Variants in LMAN1 observed in about 807,000 individuals in gnomAD.
LMAN1 encodes lectin, mannose binding 1, also known as protein ERGIC-53.
Under a neutral mutation model 67.8 loss-of-function variants are expected in LMAN1, and 32 were observed. That is an observed-to-expected ratio of 0.47 (90% CI 0.36 to 0.63). LMAN1 has a LOEUF of 0.63. Among genes scored for constraint, LMAN1 ranks in the 30% least tolerant of loss-of-function variants. The pLI is 0.00. For synonymous variants in LMAN1, 235 were observed against 219.3 expected (o/e 1.07, Z -0.63); for missense variants, 632 against 628.2 (o/e 1.01, Z -0.06).
chr18:59,353,412 G>C (rs1908590222), intron 4 of LMAN1, 111 bp from the exon 5 acceptor site: 1 of 816,844 alleles, frequency 1.2e-6, no homozygotes, highest in African/African-American at 1.7e-5. Context: ...GATACTTTAT[G>C]TTATTTACTC....
In LMAN1 at chr18:59,334,623, G is replaced by A. The variant is rs1023935931; in HGVS notation, c.1221-1379C>T. 5.3e-5 allele frequency among the ~76,000 whole-genome samples: 8 copies of A among 152,238 alleles called. No individual in the cohort carries two copies. The East Asian group carries it at 1.5e-3, about 29-fold the overall frequency. On this transcript the variant is annotated intron_variant, in intron 10 of 12. Coordinates refer to ENST00000251047, the MANE Select transcript of LMAN1 (RefSeq NM_005570.4). ...GTGAAGATAACTAAATGGAAGCAGA[G>A]GCCAAAGAATACCAGGAGTGAATGG...
chr18:59,347,813 T>C (rs1255741474), intron 6 of LMAN1, among the ~76,000 whole-genome samples: 2 of 152,198 alleles, frequency 1.3e-5, no homozygotes. Context: ...ATCAGAATAT[T>C]TAGCAGTGTT....
intron 10 of LMAN1, 113 bp from the exon 11 acceptor site, chr18:59,333,357 A>C: frequency 1.3e-6 from 1 of 779,050 alleles, no homozygotes. Context: ...CATTTAAAAA[A>C]AAAAACAGGT....
At position 59,354,598 on chromosome 18, in the gene LMAN1, A is replaced by T. The variant is rs752199199; in HGVS notation, c.478-18T>A. On this transcript the variant is annotated intron_variant, in intron 3 of 12. Coordinates refer to ENST00000251047, the MANE Select transcript of LMAN1 (RefSeq NM_005570.4). ...TTATTTTTCTAAAAAAAAGGAAAAC[A>T]TTTTAAAAAATGTCTTTAATCAAAG... is the stretch of plus-strand genomic sequence containing the variant. 1 of 1,218,814 alleles carries T rather than the reference A, an allele frequency of 8.2e-7. No individual in the cohort carries two copies. The highest frequency in any genetic ancestry group is 1.2e-5 in the South Asian group (1 of 81,442). 75.5% of individuals were successfully genotyped at this position (1,218,814 alleles called of 1,614,324 possible).
chr18:59,333,759 A>T (rs576579903), intron 10 of LMAN1: 1 of 152,300 alleles, frequency 6.6e-6, no homozygotes, highest in Admixed American at 6.5e-5. Context: ...CTACGAGTGC[A>T]TTCAACAGTT....
chr18:59,350,179 T>C (rs1908509643), intron 5 of LMAN1, among the ~76,000 whole-genome samples: 1 of 152,350 alleles, frequency 6.6e-6, no homozygotes, highest in South Asian at 2.1e-4. Context: ...AATGGAAACA[T>C]GTGAACTAAA....
In LMAN1 at chr18:59,330,458, A is replaced by G. The variant is rs2070740968; in HGVS notation, c.*635T>C. 6.6e-6 allele frequency: 1 copy of G among 152,498 alleles called. No homozygotes were observed. Among genetic ancestry groups the G allele is most frequent in the South Asian group, 2.1e-4 (1 of 4,824 alleles). 9.4% of individuals were successfully genotyped at this position (152,498 alleles called of 1,614,324 possible). A position where few individuals can be genotyped will look rare whatever the true frequency, so the allele number is the denominator to read the frequency against. On this transcript the variant is annotated 3_prime_UTR_variant, in exon 13 of 13. Coordinates refer to ENST00000251047, the MANE Select transcript of LMAN1 (RefSeq NM_005570.4). ...CACCCACAAGGTTTTTTAGGCAAAAAGCAGCTATTAATTTTCCTCTAAAAT... is the reference window on the plus strand; with the variant it reads ...CACCCACAAGGTTTTTTAGGCAAAAGGCAGCTATTAATTTTCCTCTAAAAT...
intron 5 of LMAN1, among the ~76,000 whole-genome samples, chr18:59,349,870 A>T (rs1435294867): frequency 6.6e-6 from 1 of 152,236 alleles, no homozygotes. Flanking sequence ...TCCACCTGAC[A>T]CATGAATGCT....
intron 1 of LMAN1, 67 bp downstream of exon 1, chr18:59,358,964 G>A: frequency 6.7e-7 from 1 of 1,497,344 alleles, no homozygotes. Context: ...GGTAGCCGCG[G>A]ATGAAAGGCG....
At chr18:59,350,699 G>C (rs1396500268) in intron 5 of LMAN1, among the ~76,000 whole-genome samples, 1 of 151,984 alleles carries the variant, frequency 6.6e-6, no homozygotes, top group East Asian at 1.9e-4. Flanking sequence ...GTTTCACCGT[G>C]TGAGCCAGGA....
intron 10 of LMAN1, among the ~76,000 whole-genome samples, chr18:59,334,914 A>G (rs1215469508): frequency 1.3e-5 from 2 of 152,126 alleles, no homozygotes; most frequent in African/African-American, 4.8e-5. Flanking sequence ...CTCAGTTTTT[A>G]TATTAACTTA....
chr18:59,349,358 C>T (rs1030826728), intron 5 of LMAN1, 122 bp from the exon 6 acceptor site: 11 of 901,306 alleles, frequency 1.2e-5, no homozygotes, highest in East Asian at 8.0e-5. Flanking sequence ...TTTTAAATAA[C>T]GTTTCCTACT....
chr18:59,346,397 T>C (rs1908409102), intron 7 of LMAN1, among the ~76,000 whole-genome samples: 2 of 151,640 alleles, frequency 1.3e-5, no homozygotes, highest in Admixed American at 1.3e-4. Flanking sequence ...ATTTTTTTTG[T>C]ATTTTTTAGT....
At chr18:59,342,597 A>G (rs1343494502) in intron 8 of LMAN1, among the ~76,000 whole-genome samples, 1 of 152,094 alleles carries the variant, frequency 6.6e-6, no homozygotes, top group Non-Finnish European at 1.5e-5. Flanking sequence ...CTCAGAAAGG[A>G]CATTCAATAA....
chr18:59,332,714 G>A (rs2070754850), intron 11 of LMAN1, among the ~76,000 whole-genome samples: 2 of 152,070 alleles, frequency 1.3e-5, no homozygotes, highest in Non-Finnish European at 1.5e-5. Flanking sequence ...CGAAACCTGG[G>A]TGAAGGTAAA....
intron 8 of LMAN1, among the ~76,000 whole-genome samples, chr18:59,342,166 C>G (rs970545280): frequency 6.6e-6 from 1 of 151,602 alleles, no homozygotes; most frequent in Non-Finnish European, 1.5e-5. Context: ...TAATGAGTAG[C>G]AAGACTGAAT....
chr18:59,337,077 TTAAAG>T, intron 10 of LMAN1, among the ~76,000 whole-genome samples: 1 of 150,918 alleles, frequency 6.6e-6, no homozygotes. Flanking sequence ...TACAGTAACT[TTAAAG>T]TAGAGATAGC....
intron 4 of LMAN1, 100 bp downstream of exon 4, chr18:59,354,419 T>G (rs1603396111): frequency 1.4e-6 from 1 of 734,476 alleles, no homozygotes; most frequent in Non-Finnish European, 2.4e-6. Flanking sequence ...AAGAACAGTA[T>G]TTTTTTCATT....
chr18:59,332,566 C>G (rs41443547), intron 11 of LMAN1, among the ~76,000 whole-genome samples: 2 of 152,078 alleles, frequency 1.3e-5, no homozygotes, highest in South Asian at 4.1e-4. Flanking sequence ...AAAGATAAAA[C>G]GCGATATAAA....
Sources: gnomAD v4.1 joint callset for allele counts (sites outside exome capture counted in the v4.1 genomes callset) on GRCh38, gnomAD v4.1.1 for gene constraint, MANE v1.5 for transcripts, NCBI Gene and HGNC (gene_info 2026-07-23, HGNC 2026-07-21) for gene names.